Variants in SETBP1 observed in about 807,000 individuals in gnomAD.
SETBP1 encodes the protein SET binding protein 1.
A neutral mutation model predicts 101.0 loss-of-function variants in SETBP1; 9 were observed. The ratio of observed to expected loss-of-function variants is 0.09; its 90% CI spans 0.05 to 0.16. The LOEUF (loss-of-function observed/expected upper bound fraction) is 0.16, where lower values mean the gene tolerates loss of function less well. Among genes scored for constraint, SETBP1 ranks in the 10% least tolerant of loss-of-function variants. The pLI, the probability that SETBP1 is intolerant of heterozygous loss-of-function variation, is 1.00. For missense variants in SETBP1, 1,858 were observed against 2,033.8 expected, an observed-to-expected ratio of 0.91 and a Z score of 1.66; for synonymous variants, 818 against 788.5, an observed-to-expected ratio of 1.04 and a Z score of -0.63.
At chr18:44,736,053 G>C (rs1422491248) in intron 2 of SETBP1, among the ~76,000 whole-genome samples, 1 of 152,132 alleles carries the variant, frequency 6.6e-6, no homozygotes, top group Non-Finnish European at 1.5e-5. Context: ...TCACTCTACT[G>C]GTCTTTTGGA....
At chr18:44,948,525 A>ATAGATAGATAGG (rs1437028673) in intron 3 of SETBP1, among the ~76,000 whole-genome samples, 1 of 152,180 alleles carries the variant, frequency 6.6e-6, no homozygotes, top group African/African-American at 2.4e-5. Context: ...AGATAGATAG[A>ATAGATAGATAGG]TAGATGATAG....
chr18:44,925,018 T>TTTG (rs2070670783), intron 3 of SETBP1, among the ~76,000 whole-genome samples: 3 of 144,420 alleles, frequency 2.1e-5, no homozygotes, highest in African/African-American at 7.5e-5. Flanking sequence ...TTTTTTTTTT[T>TTTG]TTTTTTTTTT....
chr18:44,892,441 A>G (rs2069792914), intron 3 of SETBP1, among the ~76,000 whole-genome samples: 1 of 152,202 alleles, frequency 6.6e-6, no homozygotes, highest in African/African-American at 2.4e-5. Flanking sequence ...CTGCATATGT[A>G]CATGGCTTAG....
chr18:44,790,612 C>T (rs1331366247), intron 2 of SETBP1, among the ~76,000 whole-genome samples: 4 of 152,216 alleles, frequency 2.6e-5, no homozygotes, highest in African/African-American at 9.7e-5. Flanking sequence ...GATTCCTTCA[C>T]AGGCCTGTAA....
intron 2 of SETBP1, among the ~76,000 whole-genome samples, chr18:44,769,488 C>G (rs930215178): frequency 1.3e-5 from 2 of 152,194 alleles, no homozygotes; most frequent in Non-Finnish European, 2.9e-5. Context: ...TAAAAGATAC[C>G]TATTTAGATT....
chr18:44,769,901 A>G (rs1291141644), intron 2 of SETBP1, among the ~76,000 whole-genome samples: 2 of 152,216 alleles, frequency 1.3e-5, no homozygotes, highest in East Asian at 1.9e-4. Flanking sequence ...GACCATGTAC[A>G]TGAAGGCACA....
chr18:45,042,012 T>G (rs2073517560), intron 5 of SETBP1, among the ~76,000 whole-genome samples: 1 of 151,998 alleles, frequency 6.6e-6, no homozygotes, highest in Non-Finnish European at 1.5e-5. Context: ...CCTAGTACAG[T>G]TCCTGACACA....
intron 2 of SETBP1, among the ~76,000 whole-genome samples, chr18:44,713,348 C>T (rs946235285): frequency 6.6e-6 from 1 of 152,110 alleles, no homozygotes; most frequent in East Asian, 1.9e-4. Context: ...CGGGGGGGGA[C>T]GTGCCACCTT....
intron 2 of SETBP1, among the ~76,000 whole-genome samples, chr18:44,848,959 A>T (rs371242005): frequency 6.6e-6 from 1 of 152,216 alleles, no homozygotes; most frequent in African/African-American, 2.4e-5. Context: ...CTCACTATCT[A>T]TTACAAATTA....
chr18:45,053,787 A>G (rs2073762315), intron 5 of SETBP1, among the ~76,000 whole-genome samples: 1 of 152,082 alleles, frequency 6.6e-6, no homozygotes, highest in Non-Finnish European at 1.5e-5. Context: ...AGTTTTAAAG[A>G]GACAAAGAAA....
intron 1 of SETBP1, among the ~76,000 whole-genome samples, chr18:44,685,209 G>A (rs182676588): frequency 1.6e-4 from 24 of 152,360 alleles, no homozygotes; most frequent in Non-Finnish European, 1.5e-4. Context: ...AGGAGGAATA[G>A]GGGATGAATG....
intron 4 of SETBP1, among the ~76,000 whole-genome samples, chr18:44,996,516 C>G (rs1291459657): frequency 6.6e-6 from 1 of 152,216 alleles, no homozygotes; most frequent in Non-Finnish European, 1.5e-5. Context: ...GATTTTAACT[C>G]TGTCAGGCAC....
At chr18:45,055,455 A>AT (rs1355090246) in intron 5 of SETBP1, among the ~76,000 whole-genome samples, 1 of 152,192 alleles carries the variant, frequency 6.6e-6, no homozygotes, top group East Asian at 1.9e-4. Context: ...TGAAACAAAA[A>AT]TATTTTTGTT....
chr18:44,720,915 C>T (rs2069576922), intron 2 of SETBP1, among the ~76,000 whole-genome samples: 1 of 142,890 alleles, frequency 7.0e-6, no homozygotes, highest in Admixed American at 7.0e-5. Context: ...CCACCCCCCA[C>T]CCCAACCCCT....
At chr18:44,773,835 T>TG (rs1477539701) in intron 2 of SETBP1, among the ~76,000 whole-genome samples, 3 of 137,036 alleles carry the variant, frequency 2.2e-5, no homozygotes, top group African/African-American at 8.7e-5. Context: ...TCTCTCTCTG[T>TG]TTATGTGTGT....
At chr18:44,693,554 T>C (rs1303707800) in intron 1 of SETBP1, among the ~76,000 whole-genome samples, 1 of 152,082 alleles carries the variant, frequency 6.6e-6, no homozygotes, top group Non-Finnish European at 1.5e-5. Flanking sequence ...TCCAGGTGCA[T>C]GCAAAGTCCC....
Position 45,066,148 on chromosome 18 carries a change from T to A in SETBP1, c.*2450T>A, listed in dbSNP as rs1187108990. On this transcript the variant is annotated 3_prime_UTR_variant, in exon 6 of 6. Transcript: ENST00000649279. ...ACCCAAAGTTTACTTGACATTAACC[T>A]CTAGTAGGTGAGAAATTCCAAAAAA... 6.6e-6 allele frequency: 1 copy of A among 152,180 alleles called. No individual in the cohort carries two copies. The highest frequency in any genetic ancestry group is 1.5e-5 in the Non-Finnish European group (1 of 68,042). The allele number at this position is 152,180 out of a possible 1,614,324, so 9.4% of individuals were successfully genotyped here.
intron 2 of SETBP1, among the ~76,000 whole-genome samples, chr18:44,790,738 C>G (rs2071352594): frequency 6.6e-6 from 1 of 152,118 alleles, no homozygotes; most frequent in Admixed American, 6.6e-5. Flanking sequence ...GAGGTGCTGC[C>G]TGGATGTTGG....
chr18:45,023,849 A>G (rs1277466096), intron 4 of SETBP1, among the ~76,000 whole-genome samples: 3 of 152,228 alleles, frequency 2.0e-5, no homozygotes, highest in Admixed American at 6.5e-5. Context: ...TCCCTACGAT[A>G]GCCCTCTGAG....
Sources: gnomAD v4.1 joint callset for allele counts (sites outside exome capture counted in the v4.1 genomes callset) on GRCh38, gnomAD v4.1.1 for gene constraint, MANE v1.5 for transcripts, NCBI Gene and HGNC (gene_info 2026-07-23, HGNC 2026-07-21) for gene names.